HEMK2: variants seen among roughly 807,000 people sequenced by gnomAD.
The protein encoded by HEMK2 is methyltransferase HEMK2.
the HEMK2 span, among the ~76,000 whole-genome samples, chr21:28,831,542 GGAAAGAAGGAAA>G: frequency 3.4e-5 from 2 of 58,132 alleles, no homozygotes; most frequent in Non-Finnish European, 6.0e-5. Flanking sequence ...AAGGAAAGAA[GGAAAGAAGGAAA>G]GAAGGAAAGA....
the HEMK2 span, among the ~76,000 whole-genome samples, chr21:28,781,726 C>A: frequency 6.6e-6 from 1 of 152,184 alleles, no homozygotes; most frequent in South Asian, 2.1e-4. Flanking sequence ...GCCTTTAGGC[C>A]AGAGTTTATA....
chr21:28,703,108 T>C, the HEMK2 span, among the ~76,000 whole-genome samples: 1,185 of 152,160 alleles, frequency 7.8e-3, 12 homozygotes, highest in African/African-American at 0.027. Context: ...AAGCTAAACA[T>C]TGTGTACACA....
At chr21:28,836,564 T>C in the HEMK2 span, among the ~76,000 whole-genome samples, 1 of 150,200 alleles carries the variant, frequency 6.7e-6, no homozygotes, top group Non-Finnish European at 1.5e-5. Flanking sequence ...ACAGGACCTA[T>C]AAAACAAAAA....
the HEMK2 span, among the ~76,000 whole-genome samples, chr21:28,596,021 T>C: frequency 2.0e-5 from 3 of 151,276 alleles, no homozygotes; most frequent in African/African-American, 7.3e-5. Context: ...CCTGACCTCA[T>C]GATCTGCCCG....
chr21:28,873,824 G>T, the HEMK2 span: 1 of 152,140 alleles, frequency 6.6e-6, no homozygotes, highest in Non-Finnish European at 1.5e-5. Context: ...TCATGATTGC[G>T]TCTCTCAGTG....
chr21:28,817,872 A>C, the HEMK2 span, among the ~76,000 whole-genome samples: 1 of 152,120 alleles, frequency 6.6e-6, no homozygotes, highest in African/African-American at 2.4e-5. Context: ...ACTATCTCGG[A>C]GCTCTGGTGT....
At chr21:28,607,630 G>A in the HEMK2 span, among the ~76,000 whole-genome samples, 4 of 152,130 alleles carry the variant, frequency 2.6e-5, no homozygotes, top group South Asian at 2.1e-4. Flanking sequence ...CTGCCTTTGA[G>A]ATTAAACTGT....
the HEMK2 span, among the ~76,000 whole-genome samples, chr21:28,647,712 T>G: frequency 1.3e-5 from 2 of 152,036 alleles, no homozygotes; most frequent in African/African-American, 4.8e-5. Context: ...TGCAGACCTC[T>G]TACATGAAGT....
chr21:28,740,797 A>AATTG, the HEMK2 span, among the ~76,000 whole-genome samples: 1 of 152,182 alleles, frequency 6.6e-6, no homozygotes, highest in Non-Finnish European at 1.5e-5. Context: ...CTCTTAAGGG[A>AATTG]ATTGATCCCT....
the HEMK2 span, among the ~76,000 whole-genome samples, chr21:28,629,160 T>C: frequency 6.6e-6 from 1 of 152,198 alleles, no homozygotes. Context: ...CCATAGAATT[T>C]ACCCCAGAGT....
chr21:28,797,928 C>T, the HEMK2 span, among the ~76,000 whole-genome samples: 1 of 152,164 alleles, frequency 6.6e-6, no homozygotes, highest in African/African-American at 2.4e-5. Context: ...CTGTTGATTC[C>T]TATCTGCATG....
At chr21:28,793,688 CCATAT>C in the HEMK2 span, among the ~76,000 whole-genome samples, 1 of 152,116 alleles carries the variant, frequency 6.6e-6, no homozygotes, top group South Asian at 2.1e-4. Flanking sequence ...GGGTCTTGGT[CCATAT>C]CATTATTATG....
chr21:28,758,400 G>C, the HEMK2 span, among the ~76,000 whole-genome samples: 1 of 152,092 alleles, frequency 6.6e-6, no homozygotes, highest in Admixed American at 6.6e-5. Context: ...TCATAGCAAA[G>C]GAGTAAAAGT....
the HEMK2 span, among the ~76,000 whole-genome samples, chr21:28,838,706 G>A: frequency 2.3e-3 from 350 of 151,472 alleles, 1 homozygote; most frequent in Non-Finnish European, 2.3e-3. Flanking sequence ...TTGGGAGGCC[G>A]AGGCAGGCAG....
the HEMK2 span, among the ~76,000 whole-genome samples, chr21:28,857,365 A>G: frequency 6.6e-6 from 1 of 152,232 alleles, no homozygotes; most frequent in Non-Finnish European, 1.5e-5. Flanking sequence ...TTCAATGAAC[A>G]TATACAAGAA....
At chr21:28,783,775 T>C in the HEMK2 span, among the ~76,000 whole-genome samples, 11 of 152,052 alleles carry the variant, frequency 7.2e-5, no homozygotes, top group East Asian at 2.0e-4. Flanking sequence ...CGGGCAGAAA[T>C]TGGGGCTGCA....
the HEMK2 span, among the ~76,000 whole-genome samples, chr21:28,831,226 C>T: frequency 1.3e-5 from 2 of 151,834 alleles, no homozygotes; most frequent in Non-Finnish European, 2.9e-5. Flanking sequence ...GGGTGGATCA[C>T]TTGAGGTCAG....
chr21:28,782,562 A>T, the HEMK2 span, among the ~76,000 whole-genome samples: 2 of 152,370 alleles, frequency 1.3e-5, no homozygotes, highest in Middle Eastern at 3.4e-3. Context: ...AGACACGAAT[A>T]ATCAAAAAAC....
chr21:28,847,463 C>A, the HEMK2 span, among the ~76,000 whole-genome samples: 101 of 152,140 alleles, frequency 6.6e-4, no homozygotes, highest in Non-Finnish European at 1.3e-3. Context: ...CACCTTTTAA[C>A]AAAGTTATTT....
Sources: allele counts gnomAD v4.1 joint callset (sites outside exome capture counted in the v4.1 genomes callset), GRCh38; gene constraint gnomAD v4.1.1; transcripts MANE v1.5; gene names NCBI Gene and HGNC (gene_info 2026-07-23, HGNC 2026-07-21).